Variants in RING1 observed in about 807,000 individuals in gnomAD.
The protein encoded by RING1 is ring finger protein 1.
A neutral mutation model predicts 35.0 loss-of-function variants in RING1; 8 were observed. The ratio of observed to expected loss-of-function variants is 0.23; its 90% CI spans 0.13 to 0.41. RING1 has a LOEUF of 0.41. Among genes scored for constraint, RING1 ranks in the 10% least tolerant of loss-of-function variants. The pLI, the probability that RING1 is intolerant of heterozygous loss-of-function variation, is 1.00. For missense variants in RING1, 343 were observed against 546.8 expected, an observed-to-expected ratio of 0.63 and a Z score of 3.72; for synonymous variants, 214 against 224.3, an observed-to-expected ratio of 0.95 and a Z score of 0.41.
chr6:33,212,151 C>G, intron 6 of RING1, 147 bp from the exon 7 acceptor site: 1 of 866,866 alleles, frequency 1.2e-6, no homozygotes, highest in Non-Finnish European at 1.8e-6. Flanking sequence ...TTCCCATCAT[C>G]CATGTCCTTT....
chr6:33,210,616 A>C (rs376894525), intron 4 of RING1, among the ~76,000 whole-genome samples: 3,554 of 147,466 alleles, frequency 0.024, 60 homozygotes, highest in South Asian at 0.049. Flanking sequence ...CCCTGTCACA[A>C]AAAAAAAAAA....
rs1451116720 is a variant in RING1 at position 33,209,598 on chromosome 6, C to T, written c.79-28C>T. The T allele has an allele frequency of 6.2e-6, 10 of 1,604,124 alleles. No homozygotes were observed. The highest frequency in any genetic ancestry group is 8.5e-6 in the Non-Finnish European group (10 of 1,173,604). On this transcript the variant is annotated intron_variant, in intron 2 of 6. Transcript: ENST00000374656. This position sits in a 1 kb window ranked among gnomAD's most constrained non-coding sequence, Gnocchi z 5.1. ...AAAACCCCTTTCCCTCTAACCCACA[C>T]CACCTTTCTACTCACTGATGCCTTC...
intron 4 of RING1, among the ~76,000 whole-genome samples, chr6:33,210,712 G>A (rs189823518): frequency 1.8e-3 from 277 of 152,238 alleles, no homozygotes; most frequent in Non-Finnish European, 2.5e-3. Context: ...CATACTGCTG[G>A]AAGTTAAATC....
At position 33,212,479 on chromosome 6, in the gene RING1, C is replaced by A. The variant is rs1172748528; in HGVS notation, c.*80C>A. 1.1e-6 allele frequency: 1 copy of A among 886,404 alleles called. No individual in the cohort carries two copies. Among genetic ancestry groups the A allele is most frequent in the Non-Finnish European group, 1.8e-6 (1 of 551,900 alleles). The allele number at this position is 886,404 out of a possible 1,614,324, so 54.9% of individuals were successfully genotyped here. On this transcript the variant is annotated 3_prime_UTR_variant, in exon 7 of 7. Transcript: ENST00000374656. ...TCTATCACCCCAGCTTCTTTGTCCC[C>A]CAGTACCCCCAGCCCAGCCAGCCAA...
Position 33,208,813 on chromosome 6 carries a change from C to T in RING1, c.-10C>T. 6.3e-7 allele frequency: 1 copy of T among 1,598,420 alleles called. No homozygotes were observed. Among genetic ancestry groups the T allele is most frequent in the East Asian group, 2.2e-5 (1 of 44,580 alleles). On this transcript the variant is annotated 5_prime_UTR_variant, in exon 2 of 7. Coordinates refer to ENST00000374656, the MANE Select transcript of RING1 (RefSeq NM_002931.4). This position sits in a 1 kb window ranked among gnomAD's most constrained non-coding sequence, Gnocchi z 6.2. ...GTGGAGCCCTGGTGGGGGGTCTGCGCCCGGTCACCATGACGACGCCGGCGA... is the reference window on the plus strand; with the variant it reads ...GTGGAGCCCTGGTGGGGGGTCTGCGTCCGGTCACCATGACGACGCCGGCGA...
At position 33,210,540 on chromosome 6, in the gene RING1, T is replaced by C. The variant is rs373967616; in HGVS notation, c.455+410T>C. 1.8e-4 allele frequency among the ~76,000 whole-genome samples: 28 copies of C among 151,778 alleles called. 1 individual carries two copies. The highest frequency in any genetic ancestry group is 9.7e-4 in the East Asian group (5 of 5,170). On this transcript the variant is annotated intron_variant, in intron 4 of 6. Transcript: ENST00000374656. ...CACTTGAGCCTGGGAAGAAAGTGGATGTTGCAGTGAACCATGATCACACCA... is the reference window on the plus strand; with the variant it reads ...CACTTGAGCCTGGGAAGAAAGTGGACGTTGCAGTGAACCATGATCACACCA...
intron 6 of RING1, 111 bp downstream of exon 6, chr6:33,212,113 C>T: frequency 1.1e-6 from 1 of 936,208 alleles, no homozygotes; most frequent in Non-Finnish European, 1.6e-6. Flanking sequence ...CCTATACATC[C>T]TCTATCTCTT....
At position 33,211,389 on chromosome 6, in the gene RING1, G is replaced by C. The variant is rs1255201892; in HGVS notation, c.687G>C (p.Ser229=). ...GTGGGGTGGGTGGGGGTGCCGGTTC[G>C]GAAGACTCTGGTGACCGGGGAGGGA... ...GTGGVGGGAG[S]EDSGDRGGTL... Residue 229 remains serine, a synonymous_variant, in exon 5 of 7, where the codon TCG becomes TCC. Coordinates refer to ENST00000374656, the MANE Select transcript of RING1 (RefSeq NM_002931.4). The surrounding 1 kb of genome is among the most constrained non-coding windows in gnomAD (Gnocchi z 6.3). The C allele has an allele frequency of 1.3e-6, 2 of 1,554,138 alleles. No individual in the cohort carries two copies. The highest frequency in any genetic ancestry group is 1.7e-6 in the Non-Finnish European group (2 of 1,149,544).
rs746909439 is a variant in RING1 at position 33,209,011 on chromosome 6, C to A, written c.78+111C>A. ...TTTGCTCTATTCTGCCTTGCCTGGC[C>A]CTACCTTTGAATCACCTTAATCTTT... On this transcript the variant is annotated intron_variant, in intron 2 of 6. Transcript: ENST00000374656. This position sits in a 1 kb window ranked among gnomAD's most constrained non-coding sequence, Gnocchi z 5.1. 1.3e-5 allele frequency: 12 copies of A among 908,158 alleles called. No homozygotes were observed. The East Asian group carries it at 3.1e-4, about 24-fold the overall frequency. 56.3% of individuals were successfully genotyped at this position (908,158 alleles called of 1,614,324 possible). A position where few individuals can be genotyped will look rare whatever the true frequency, so the allele number is the denominator to read the frequency against.
In RING1 at chr6:33,209,181, C is replaced by T. The variant is rs213209; in HGVS notation, c.78+281C>T. ...TCATTCAGTGTCATAAGTCAGTGCACATAAGACTCACTTTGGGAGTTTATT... is the reference window on the plus strand; with the variant it reads ...TCATTCAGTGTCATAAGTCAGTGCATATAAGACTCACTTTGGGAGTTTATT... On this transcript the variant is annotated intron_variant, in intron 2 of 6. Coordinates refer to ENST00000374656, the MANE Select transcript of RING1 (RefSeq NM_002931.4). This position sits in a 1 kb window ranked among gnomAD's most constrained non-coding sequence, Gnocchi z 5.1. 0.31 allele frequency: 208,095 copies of T among 663,508 alleles called. 35,909 individuals carry two copies. Among genetic ancestry groups the T allele is most frequent in the East Asian group, 0.65 (23,166 of 35,370 alleles). The allele number at this position is 663,508 out of a possible 1,614,324, so 41.1% of individuals were successfully genotyped here. A position where few individuals can be genotyped will look rare whatever the true frequency, so the allele number is the denominator to read the frequency against.
Position 33,211,742 on chromosome 6 carries a change from A to T in RING1, c.859A>T (p.Thr287Ser). 1 of 1,548,224 alleles carries T rather than the reference A, an allele frequency of 6.5e-7. No homozygotes were observed. The highest frequency in any genetic ancestry group is 2.3e-5 in the East Asian group (1 of 44,296). Residue 287 changes from threonine to serine, a missense_variant, in exon 6 of 7, where the codon ACT becomes TCT. By Grantham distance (58) the Thr-to-Ser change is moderately conservative. Around this residue, in one of 2 missense-constraint regions of RING1, gnomAD observed 278 missense variants for 383.5 expected, o/e 0.72. Coordinates refer to ENST00000374656, the MANE Select transcript of RING1 (RefSeq NM_002931.4). This position sits in a 1 kb window ranked among gnomAD's most constrained non-coding sequence, Gnocchi z 6.3. Reference sequence around the variant, plus strand: ...CTCCCATTCCAGGTATGTGAAGACAACTGGGAATGCCACAGTGGACCACCT... The same window carrying T: ...CTCCCATTCCAGGTATGTGAAGACATCTGGGAATGCCACAGTGGACCACCT... ...EYCQTRYVKTTGNATVDHLSK... is the reference protein window; with the variant it reads ...EYCQTRYVKTSGNATVDHLSK...
rs1430673916 is a variant in RING1 at position 33,209,192 on chromosome 6, C to T, written c.78+292C>T. 4.7e-6 allele frequency: 3 copies of T among 637,220 alleles called. No homozygotes were observed. Among genetic ancestry groups the T allele is most frequent in the Non-Finnish European group, 8.6e-6 (3 of 347,686 alleles). The allele number at this position is 637,220 out of a possible 1,614,324, so 39.5% of individuals were successfully genotyped here. A position where few individuals can be genotyped will look rare whatever the true frequency, so the allele number is the denominator to read the frequency against. On this transcript the variant is annotated intron_variant, in intron 2 of 6. Coordinates refer to ENST00000374656, the MANE Select transcript of RING1 (RefSeq NM_002931.4). This position sits in a 1 kb window ranked among gnomAD's most constrained non-coding sequence, Gnocchi z 5.1. ...CATAAGTCAGTGCACATAAGACTCACTTTGGGAGTTTATTAAAAGCAGAGC... is the reference window on the plus strand; with the variant it reads ...CATAAGTCAGTGCACATAAGACTCATTTTGGGAGTTTATTAAAAGCAGAGC...
At position 33,209,021 on chromosome 6, in the gene RING1, A is replaced by G; in HGVS notation, c.78+121A>G. ...TCTGCCTTGCCTGGCCCTACCTTTGAATCACCTTAATCTTTCCAAAGCACT... is the reference window on the plus strand; with the variant it reads ...TCTGCCTTGCCTGGCCCTACCTTTGGATCACCTTAATCTTTCCAAAGCACT... On this transcript the variant is annotated intron_variant, in intron 2 of 6. Transcript: ENST00000374656. The surrounding 1 kb of genome is among the most constrained non-coding windows in gnomAD (Gnocchi z 5.1). 1 of 818,478 alleles carries G rather than the reference A, an allele frequency of 1.2e-6. No homozygotes were observed. Among genetic ancestry groups the G allele is most frequent in the South Asian group, 1.4e-5 (1 of 69,600 alleles). 50.7% of individuals were successfully genotyped at this position (818,478 alleles called of 1,614,324 possible).
Position 33,211,087 on chromosome 6 carries a change from A to C in RING1, c.456-71A>C. 3 of 1,472,302 alleles carry C rather than the reference A, an allele frequency of 2.0e-6. No individual in the cohort carries two copies. The South Asian group carries it at 4.2e-5, about 20-fold the overall frequency. 91.2% of individuals were successfully genotyped at this position (1,472,302 alleles called of 1,614,324 possible). A position where few individuals can be genotyped will look rare whatever the true frequency, so the allele number is the denominator to read the frequency against. On this transcript the variant is annotated intron_variant, in intron 4 of 6. Coordinates refer to ENST00000374656, the MANE Select transcript of RING1 (RefSeq NM_002931.4). This position sits in a 1 kb window ranked among gnomAD's most constrained non-coding sequence, Gnocchi z 6.3. The stretch of plus-strand genomic sequence containing the variant: ...GTCATTAGGATTTTTCTTATCTCTT[A>C]ATTCTCTGAAGTTTAAAGTCTAAGC...
chr6:33,208,947 T>G lies in RING1; in HGVS notation c.78+47T>G. 6.8e-7 allele frequency: 1 copy of G among 1,462,386 alleles called. No homozygotes were observed. The highest frequency in any genetic ancestry group is 9.5e-7 in the Non-Finnish European group (1 of 1,052,400). 90.6% of individuals were successfully genotyped at this position (1,462,386 alleles called of 1,614,324 possible). On this transcript the variant is annotated intron_variant, in intron 2 of 6. Coordinates refer to ENST00000374656, the MANE Select transcript of RING1 (RefSeq NM_002931.4). This position sits in a 1 kb window ranked among gnomAD's most constrained non-coding sequence, Gnocchi z 6.2. Reference sequence around the variant, plus strand: ...AGGCTTACCCCCTCCCCCAAACCCTTATATCCACAGACCGCATCACACAGC... The same window carrying G: ...AGGCTTACCCCCTCCCCCAAACCCTGATATCCACAGACCGCATCACACAGC...
chr6:33,212,707 C>T lies in RING1; in HGVS notation c.*308C>T, dbSNP rs144714948. 145 of 295,620 alleles carry T rather than the reference C, an allele frequency of 4.9e-4. 1 individual carries two copies. The highest frequency in any genetic ancestry group is 2.6e-3 in the African/African-American group (119 of 46,478). The allele number at this position is 295,620 out of a possible 1,614,324, so 18.3% of individuals were successfully genotyped here. On this transcript the variant is annotated 3_prime_UTR_variant, in exon 7 of 7. Coordinates refer to ENST00000374656, the MANE Select transcript of RING1 (RefSeq NM_002931.4). ...TACCAACAACAAACGTGCTTTTTTC[C>T]TCTTTGAAACCTGCAGTTCTGTGTG...
In RING1 at chr6:33,211,526, A is replaced by T. The variant is rs1326619957; in HGVS notation, c.824A>T (p.Lys275Met). ...CGGCCCCACCCCCTGCTCGTGGAGA[A>T]GGGAGAATACTGCCAGACGAGGTGA... ...VFRPHPLLVE[K>M]GEYCQTRYVK... is the part of the protein sequence containing the mutation. The change falls in exon 5 of 7, where the codon AAG becomes ATG. Residue 275 changes from lysine (K) to methionine (M), a missense_variant. Around this residue, in one of 2 missense-constraint regions of RING1, gnomAD observed 278 missense variants for 383.5 expected, o/e 0.72. Coordinates refer to ENST00000374656, the MANE Select transcript of RING1 (RefSeq NM_002931.4). This position sits in a 1 kb window ranked among gnomAD's most constrained non-coding sequence, Gnocchi z 6.3. 1 of 1,612,178 alleles carries T rather than the reference A, an allele frequency of 6.2e-7. No individual in the cohort carries two copies. Among genetic ancestry groups the T allele is most frequent in the Admixed American group, 1.7e-5 (1 of 59,994 alleles).
At position 33,208,960 on chromosome 6, in the gene RING1, C is replaced by T; in HGVS notation, c.78+60C>T. ...CCCCCAAACCCTTATATCCACAGAC[C>T]GCATCACACAGCTTCTTTTCCGTAA... On this transcript the variant is annotated intron_variant, in intron 2 of 6. Transcript: ENST00000374656. The surrounding 1 kb of genome is among the most constrained non-coding windows in gnomAD (Gnocchi z 6.2). 3.0e-6 allele frequency: 4 copies of T among 1,334,132 alleles called. No homozygotes were observed. Among genetic ancestry groups the T allele is most frequent in the Non-Finnish European group, 4.3e-6 (4 of 940,702 alleles). The allele number at this position is 1,334,132 out of a possible 1,614,324, so 82.6% of individuals were successfully genotyped here.
At position 33,212,626 on chromosome 6, in the gene RING1, G is replaced by A. The variant is rs1028980503; in HGVS notation, c.*227G>A. On this transcript the variant is annotated 3_prime_UTR_variant, in exon 7 of 7. Coordinates refer to ENST00000374656, the MANE Select transcript of RING1 (RefSeq NM_002931.4). Reference sequence around the variant, plus strand: ...GCTGCCTTTTCTATTGCCCTGCAACGTCCCATCTATACGAGGTGTTGGAGA... The same window carrying A: ...GCTGCCTTTTCTATTGCCCTGCAACATCCCATCTATACGAGGTGTTGGAGA... 3.0e-5 allele frequency: 14 copies of A among 462,858 alleles called. No homozygotes were observed. Among genetic ancestry groups the A allele is most frequent in the East Asian group, 9.8e-5 (3 of 30,732 alleles). The allele number at this position is 462,858 out of a possible 1,614,324, so 28.7% of individuals were successfully genotyped here.
Sources: gnomAD v4.1 joint callset for allele counts (sites outside exome capture counted in the v4.1 genomes callset) on GRCh38, gnomAD v4.1.1 for gene constraint, gnomAD v4.1.1 regional missense constraint, Gnocchi (gnomAD v3.1) non-coding constraint, MANE v1.5 for transcripts, NCBI Gene and HGNC (gene_info 2026-07-23, HGNC 2026-07-21) for gene names.